Variants in SPATA13 observed in about 807,000 individuals in gnomAD.
The protein encoded by SPATA13 is spermatogenesis-associated protein 13.
Under a neutral mutation model 104.0 loss-of-function variants are expected in SPATA13, and 50 were observed. The ratio of observed to expected loss-of-function variants is 0.48; its 90% CI spans 0.38 to 0.61. The LOEUF is 0.61. Among genes scored for constraint, SPATA13 ranks in the 20% least tolerant of loss-of-function variants. The pLI, the probability that SPATA13 is intolerant of heterozygous loss-of-function variation, is 0.00. For missense variants in SPATA13, 1,524 were observed against 1,690.6 expected (o/e 0.90, Z 1.73); for synonymous variants, 606 against 667.5 (o/e 0.91, Z 1.42).
Position 24,011,801 on chromosome 13 carries a change from G to A in SPATA13, c.-146-5866G>A, listed in dbSNP as rs560704769. On this transcript the variant is annotated intron_variant, in intron 2 of 14. Transcript: ENST00000424834. The surrounding 1 kb of genome is among the most constrained non-coding windows in gnomAD (Gnocchi z 4.3). The stretch of plus-strand genomic sequence containing the variant: ...CCATCTGTCCAGCCTGCTGGTGCTA[G>A]CCTGGGTAGATGGCCTGGAACTTAG... Among the ~76,000 whole-genome samples, 3 of 152,350 alleles carry A rather than the reference G, an allele frequency of 2.0e-5. No homozygotes were observed. Among genetic ancestry groups the A allele is most frequent in the East Asian group, 3.9e-4 (2 of 5,178 alleles).
chr13:24,278,869 T>TTTCC (rs756514333), intron 4 of SPATA13: 109,384 of 1,397,852 alleles, frequency 0.078, 10,461 homozygotes, highest in Middle Eastern at 0.12. Flanking sequence ...ACATGCTGTT[T>TTTCC]TTCTTTCCTT....
chr13:24,052,076 C>A (rs2861547), intron 3 of SPATA13, among the ~76,000 whole-genome samples: 128,423 of 152,022 alleles, frequency 0.84, 54,560 homozygotes, highest in Non-Finnish European at 0.9. Context: ...TGGCTTCTTA[C>A]ACCAGCATCC....
At chr13:24,212,295 A>T (rs1258010343) in intron 1 of SPATA13, among the ~76,000 whole-genome samples, 1 of 24,722 alleles carries the variant, frequency 4.0e-5, no homozygotes, top group Non-Finnish European at 1.6e-4. Flanking sequence ...ACCCTGTTTA[A>T]GAAAAAAAAA....
At chr13:24,164,369 C>A (rs1882635212) in intron 1 of SPATA13, among the ~76,000 whole-genome samples, 1 of 152,238 alleles carries the variant, frequency 6.6e-6, no homozygotes, top group Non-Finnish European at 1.5e-5. Context: ...TTTGGCTCCC[C>A]AGGGAACCTG....
At chr13:24,156,444 A>G (rs1219020241), upstream of SPATA13, among the ~76,000 whole-genome samples, 1 of 152,042 alleles carries the variant, frequency 6.6e-6, no homozygotes, top group Admixed American at 6.6e-5. Context: ...CCCCATCTGT[A>G]CTCTAGTCCT....
chr13:23,999,590 C>T (rs1472236491), intron 2 of SPATA13, among the ~76,000 whole-genome samples: 1 of 94,978 alleles, frequency 1.1e-5, no homozygotes, highest in Non-Finnish European at 2.2e-5. Context: ...AGGGAGATCT[C>T]CAGGCTCAGG....
At chr13:24,085,710 G>T (rs1282666321) in intron 3 of SPATA13, among the ~76,000 whole-genome samples, 1 of 152,192 alleles carries the variant, frequency 6.6e-6, no homozygotes, top group African/African-American at 2.4e-5. Flanking sequence ...AGTGAAGAGG[G>T]AACTGCTTGC....
intron 3 of SPATA13, among the ~76,000 whole-genome samples, chr13:24,142,843 G>C (rs751327270): frequency 3.2e-4 from 49 of 152,150 alleles, no homozygotes; most frequent in South Asian, 6.2e-4. Flanking sequence ...GATTCCCTTG[G>C]AAGAGTGTTT....
At chr13:24,157,988 A>G (rs763304642), upstream of SPATA13, among the ~76,000 whole-genome samples, 17 of 152,236 alleles carry the variant, frequency 1.1e-4, no homozygotes, top group Non-Finnish European at 2.1e-4. Flanking sequence ...AATGTAAACA[A>G]CGTGGCATAA....
chr13:24,182,688 G>C (rs747260956), intron 1 of SPATA13, among the ~76,000 whole-genome samples: 29 of 152,160 alleles, frequency 1.9e-4, no homozygotes, highest in Middle Eastern at 3.2e-3. Context: ...TGTGAGATTT[G>C]GAGAGGACAA....
At chr13:24,021,868 C>T (rs536166023) in intron 3 of SPATA13, among the ~76,000 whole-genome samples, 83 of 150,800 alleles carry the variant, frequency 5.5e-4, no homozygotes, top group East Asian at 1.2e-3. Flanking sequence ...CCCGCCACCA[C>T]GCCTGACTAA....
chr13:24,123,457 T>C, intron 3 of SPATA13: 1 of 1,517,318 alleles, frequency 6.6e-7, no homozygotes. Context: ...TCGTTATAGA[T>C]CTTTTTCTTC....
intron 3 of SPATA13, among the ~76,000 whole-genome samples, chr13:24,018,441 A>G (rs1876816630): frequency 6.6e-6 from 1 of 152,272 alleles, no homozygotes; most frequent in Non-Finnish European, 1.5e-5. Context: ...TAGGTAATAA[A>G]TGAAATATCT....
At chr13:24,270,821 G>A (rs1427445590) in intron 4 of SPATA13, 1 of 1,612,796 alleles carries the variant, frequency 6.2e-7, no homozygotes, top group South Asian at 1.1e-5. Context: ...TCACACCCCA[G>A]TCCTGCTCTG....
At chr13:24,243,446 C>T (rs146391510) in intron 2 of SPATA13, among the ~76,000 whole-genome samples, 1,549 of 152,286 alleles carry the variant, frequency 0.01, 30 homozygotes, top group African/African-American at 0.035. Flanking sequence ...TTCTGTTTTC[C>T]TTCTGTAAAA....
Position 24,302,765 on chromosome 13 carries a change from C to T in SPATA13, c.3826C>T (p.Arg1276Trp), listed in dbSNP as rs756258666. The T allele has an allele frequency of 1.1e-5, 17 of 1,614,156 alleles. 1 individual carries two copies. The highest frequency in any genetic ancestry group is 3.3e-5 in the South Asian group (3 of 91,090). ...WHTFNRLTPF[R>W]K ...CACCTTCAACAGGCTCACCCCCTTC[C>T]GGAAATGAAAACAGGAGGCTGTGCT... The change falls in exon 13 of 13, where the codon CGG becomes TGG. Residue 1276 changes from arginine (R) to tryptophan (W), a missense_variant. Arg to Trp is a moderately radical substitution (Grantham distance 101). Coordinates refer to ENST00000382108, the MANE Select transcript of SPATA13 (RefSeq NM_001166271.3).
At chr13:24,026,184 T>C (rs1362700909) in intron 3 of SPATA13, among the ~76,000 whole-genome samples, 3 of 152,230 alleles carry the variant, frequency 2.0e-5, no homozygotes, top group African/African-American at 7.2e-5. Flanking sequence ...TATGGTATCA[T>C]GATGAACAGA....
chr13:24,186,019 G>A (rs1869130595), intron 1 of SPATA13, among the ~76,000 whole-genome samples: 1 of 151,986 alleles, frequency 6.6e-6, no homozygotes, highest in Non-Finnish European at 1.5e-5. Context: ...ATTAGAGGAG[G>A]CCCATCCACA....
intron 3 of SPATA13, among the ~76,000 whole-genome samples, chr13:24,039,185 T>TGTCA (rs1877823969): frequency 6.6e-6 from 1 of 152,266 alleles, no homozygotes; most frequent in African/African-American, 2.4e-5. Context: ...TGGTGTATGA[T>TGTCA]GTCACCACAG....
Sources: allele counts gnomAD v4.1 joint callset (sites outside exome capture counted in the v4.1 genomes callset), GRCh38; gene constraint gnomAD v4.1.1; non-coding constraint Gnocchi (gnomAD v3.1); transcripts MANE v1.5; gene names NCBI Gene and HGNC (gene_info 2026-07-23, HGNC 2026-07-21).